Variants in NDST4 observed in about 807,000 individuals in gnomAD.
The protein encoded by NDST4 is N-heparan sulfate sulfotransferase 4.
Under a neutral mutation model 100.8 loss-of-function variants are expected in NDST4, and 63 were observed. The observed-to-expected ratio is 0.62, with a 90% CI of 0.51 to 0.77. The LOEUF (loss-of-function observed/expected upper bound fraction) is 0.77, where lower values mean the gene tolerates loss of function less well. Ranked by LOEUF, NDST4 falls within the 30% of genes least tolerant of loss-of-function variation. The pLI is 0.00. For synonymous variants in NDST4, 377 were observed against 361.8 expected (o/e 1.04, Z -0.48); for missense variants, 943 against 1,018.4 (o/e 0.93, Z 1.01).
chr4:114,873,890 C>T (rs1024171772), intron 6 of NDST4, among the ~76,000 whole-genome samples: 4 of 152,012 alleles, frequency 2.6e-5, no homozygotes, highest in African/African-American at 9.7e-5. Flanking sequence ...CTACCACCTG[C>T]CTTCTTAGCG....
intron 2 of NDST4, among the ~76,000 whole-genome samples, chr4:115,048,089 A>T (rs1238274414): frequency 6.9e-6 from 1 of 144,530 alleles, no homozygotes; most frequent in Non-Finnish European, 1.5e-5. Flanking sequence ...TACAGCAGGA[A>T]GTTTATAATT....
intron 4 of NDST4, among the ~76,000 whole-genome samples, chr4:114,954,214 A>G (rs2126233347): frequency 6.6e-6 from 1 of 152,148 alleles, no homozygotes; most frequent in African/African-American, 2.4e-5. Context: ...ATCCTGTTTT[A>G]TGACTTAAAA....
intron 6 of NDST4, among the ~76,000 whole-genome samples, chr4:114,916,955 C>T (rs561320733): frequency 2.4e-4 from 36 of 151,906 alleles, no homozygotes; most frequent in African/African-American, 8.7e-4. Context: ...ATCAAATAAC[C>T]TATTGCTGTG....
intron 7 of NDST4, among the ~76,000 whole-genome samples, chr4:114,868,321 T>A (rs1221896116): frequency 1.3e-5 from 2 of 152,162 alleles, no homozygotes; most frequent in Non-Finnish European, 2.9e-5. Flanking sequence ...GCTGGTTTTT[T>A]AAATAAAACT....
rs12512835 is a variant in NDST4, at chr4:115,100,819, T to C, written c.-247+12625A>G. The stretch of plus-strand genomic sequence containing the variant: ...ATGCTTCACTCCTTTTTTTTTTTTT[T>C]CCCTCCTGCTCTGCCCTCCTTTCCT... On this transcript the variant is annotated intron_variant, in intron 1 of 13. Transcript: ENST00000264363. Among the ~76,000 whole-genome samples the C allele has an allele frequency of 4.6e-3, 613 of 132,048 alleles. 16 individuals carry two copies. The highest frequency in any genetic ancestry group is 0.044 in the Admixed American group (576 of 13,032). 86.6% of individuals were successfully genotyped at this position (132,048 alleles called of 152,430 possible).
chr4:114,916,371 C>G (rs778017361), intron 6 of NDST4, among the ~76,000 whole-genome samples: 1 of 152,144 alleles, frequency 6.6e-6, no homozygotes, highest in Non-Finnish European at 1.5e-5. Context: ...TCACCCTTAT[C>G]TCTATCTCCT....
chr4:114,877,701 C>A (rs1724284655), intron 6 of NDST4, among the ~76,000 whole-genome samples: 1 of 152,152 alleles, frequency 6.6e-6, no homozygotes, highest in Non-Finnish European at 1.5e-5. Context: ...GTAATCCCAG[C>A]ACTTTGGGAG....
Position 115,076,645 on chromosome 4 carries a change from A to T in NDST4, c.392T>A (p.Val131Asp), listed in dbSNP as rs757354392. Residue 131 changes from valine (V) to aspartate (D), a missense_variant, in exon 2 of 14, where the codon GTT becomes GAT. Val to Asp is a radical substitution (Grantham distance 152). Around this residue, in one of 2 missense-constraint regions of NDST4, gnomAD observed 417 missense variants for 384.2 expected, o/e 1.09. Coordinates refer to ENST00000264363, the MANE Select transcript of NDST4 (RefSeq NM_022569.3). ...ATACTTCAGAATATTTTCATAAATA[A>T]CTAAAGTATATTTCCCTTTGCCATT... ...TDNGKGKYTL[V>D]IYENILKYVS... 1 of 1,613,838 alleles carries T rather than the reference A, an allele frequency of 6.2e-7. No homozygotes were observed. Among genetic ancestry groups the T allele is most frequent in the Admixed American group, 1.7e-5 (1 of 59,992 alleles).
In NDST4 at chr4:114,977,242, A is replaced by G. The variant is rs1726659674; in HGVS notation, c.1011T>C (p.Thr337=). The G allele has an allele frequency of 6.2e-7, 1 of 1,610,298 alleles. No homozygotes were observed. Among genetic ancestry groups the G allele is most frequent in the South Asian group, 1.1e-5 (1 of 90,660 alleles). Reference sequence around the variant, plus strand: ...GGTTGAAGGTAAAATTTGCAACCTGAGTGCGCAGTAAATTTTGAGTCTCTA... The same window carrying G: ...GGTTGAAGGTAAAATTTGCAACCTGGGTGCGCAGTAAATTTTGAGTCTCTA... ...ALLETQNLLR[T]QVANFTFNLG... is the part of the protein sequence containing the mutation. The change falls in exon 3 of 14, where the codon ACT becomes ACC. Residue 337 remains threonine (T), a synonymous_variant. Transcript: ENST00000264363.
intron 6 of NDST4, among the ~76,000 whole-genome samples, chr4:114,930,662 G>A (rs1725492559): frequency 6.6e-6 from 1 of 152,024 alleles, no homozygotes; most frequent in South Asian, 2.1e-4. Context: ...TTTCTTCCAT[G>A]AAACAAAGTG....
intron 2 of NDST4, among the ~76,000 whole-genome samples, chr4:115,002,890 A>G (rs2583518): frequency 0.34 from 52,133 of 151,976 alleles, 9,067 homozygotes; most frequent in Middle Eastern, 0.49. Context: ...ATGGAATACT[A>G]TGCAGCCATA....
At chr4:114,948,472 T>C (rs1725918802) in intron 4 of NDST4, among the ~76,000 whole-genome samples, 1 of 152,118 alleles carries the variant, frequency 6.6e-6, no homozygotes, top group East Asian at 1.9e-4. Flanking sequence ...AAATGAATGA[T>C]TTCATTTACT....
intron 3 of NDST4, among the ~76,000 whole-genome samples, chr4:114,973,872 C>T (rs1240481489): frequency 6.6e-6 from 1 of 151,614 alleles, no homozygotes; most frequent in Non-Finnish European, 1.5e-5. Flanking sequence ...TCGAACCTGG[C>T]ATGGTTCCAT....
At chr4:115,016,390 G>T (rs1727677479) in intron 2 of NDST4, among the ~76,000 whole-genome samples, 1 of 152,090 alleles carries the variant, frequency 6.6e-6, no homozygotes, top group Admixed American at 6.6e-5. Context: ...AAGTAGGAAT[G>T]ACATCACTCA....
Position 114,922,814 on chromosome 4 carries a change from C to G in NDST4, c.1536+12392G>C, listed in dbSNP as rs116085903. Among the ~76,000 whole-genome samples, 639 of 152,238 alleles carry G rather than the reference C, an allele frequency of 4.2e-3. 7 individuals carry two copies. The highest frequency in any genetic ancestry group is 0.027 in the Middle Eastern group (8 of 294). On this transcript the variant is annotated intron_variant, in intron 6 of 13. Coordinates refer to ENST00000264363, the MANE Select transcript of NDST4 (RefSeq NM_022569.3). ...AATTTTCATTTGTTAATTTATTCAA[C>G]CTATTGAGCCCATGCTCTATGCCTA... is the stretch of plus-strand genomic sequence containing the variant.
chr4:115,027,325 C>G (rs1458706661), intron 2 of NDST4, among the ~76,000 whole-genome samples: 1 of 152,122 alleles, frequency 6.6e-6, no homozygotes, highest in Non-Finnish European at 1.5e-5. Context: ...TCTATTAAAA[C>G]AGTTTGCCAA....
At chr4:114,881,354 G>C (rs529837343) in intron 6 of NDST4, among the ~76,000 whole-genome samples, 11 of 151,958 alleles carry the variant, frequency 7.2e-5, no homozygotes, top group African/African-American at 2.7e-4. Flanking sequence ...TTGACGTCAG[G>C]GATGGAAAAA....
intron 7 of NDST4, among the ~76,000 whole-genome samples, chr4:114,857,137 T>G (rs1453792676): frequency 2.0e-5 from 3 of 152,194 alleles, no homozygotes; most frequent in African/African-American, 7.2e-5. Flanking sequence ...TTGTGGAATA[T>G]CTGGCAAGTA....
intron 7 of NDST4, among the ~76,000 whole-genome samples, chr4:114,862,772 G>A (rs1441632): frequency 0.027 from 4,031 of 152,096 alleles, 186 homozygotes; most frequent in South Asian, 0.18. Context: ...TGCTTTTTGG[G>A]GGAAGAGGAT....
Sources: allele counts gnomAD v4.1 joint callset (sites outside exome capture counted in the v4.1 genomes callset), GRCh38; gene constraint gnomAD v4.1.1; regional missense constraint gnomAD v4.1.1; transcripts MANE v1.5; gene names NCBI Gene and HGNC (gene_info 2026-07-23, HGNC 2026-07-21).